The following CRB1 variants were observed in gnomAD, a reference collection of about 807,000 sequenced individuals.
CRB1 encodes the protein protein crumbs homolog 1.
A neutral mutation model predicts 120.0 loss-of-function variants in CRB1; 83 were observed. That is an observed-to-expected ratio of 0.69 (90% CI 0.58 to 0.83). CRB1 has a LOEUF of 0.83. CRB1 is among the 40% of genes least tolerant of loss of function. The pLI, the probability that CRB1 is intolerant of heterozygous loss-of-function variation, is 0.00. For synonymous variants in CRB1, 625 were observed against 612.5 expected (o/e 1.02, Z -0.30); for missense variants, 1,699 against 1,687.6 (o/e 1.01, Z -0.12).
intron 1 of CRB1, among the ~76,000 whole-genome samples, chr1:197,312,014 T>A (rs988706383): frequency 6.6e-6 from 1 of 152,178 alleles, no homozygotes; most frequent in Non-Finnish European, 1.5e-5. Context: ...GTTTCTGCTA[T>A]TCTTTTCTGT....
At chr1:197,278,396 CTTG>C (rs768924107) in intron 1 of CRB1, among the ~76,000 whole-genome samples, 16 of 151,984 alleles carry the variant, frequency 1.1e-4, no homozygotes, top group Non-Finnish European at 1.9e-4. Flanking sequence ...CAAAAATTCT[CTTG>C]TTTATAAAGC....
intron 1 of CRB1, among the ~76,000 whole-genome samples, chr1:197,275,599 T>G (rs1245743085): frequency 6.6e-6 from 1 of 152,046 alleles, no homozygotes; most frequent in African/African-American, 2.4e-5. Context: ...AATTAAGTGT[T>G]CAGAAATTTC....
chr1:197,317,777 T>C (rs890174365), intron 1 of CRB1, among the ~76,000 whole-genome samples: 7 of 152,132 alleles, frequency 4.6e-5, no homozygotes, highest in Non-Finnish European at 8.8e-5. Context: ...TGGTACTGGG[T>C]AAACTGCATA....
intron 1 of CRB1, among the ~76,000 whole-genome samples, chr1:197,305,607 C>T (rs549267551): frequency 7.9e-5 from 12 of 151,602 alleles, no homozygotes; most frequent in South Asian, 4.2e-4. Flanking sequence ...TTTTTATGAG[C>T]GTCCTTTTAC....
intron 11 of CRB1, among the ~76,000 whole-genome samples, chr1:197,472,810 C>T (rs1667038515): frequency 6.6e-6 from 1 of 151,982 alleles, no homozygotes; most frequent in Admixed American, 6.6e-5. Context: ...CAAGGATGGC[C>T]CTGAGTGGAT....
At chr1:197,254,963 A>G in the CRB1 span, among the ~76,000 whole-genome samples, 2 of 152,010 alleles carry the variant, frequency 1.3e-5, no homozygotes, top group Admixed American at 6.6e-5. Flanking sequence ...ATGTACAGTG[A>G]CTTCACTCAC....
chr1:197,330,166 C>T (rs144275840), intron 2 of CRB1, among the ~76,000 whole-genome samples: 1 of 152,066 alleles, frequency 6.6e-6, no homozygotes, highest in African/African-American at 2.4e-5. Context: ...TTCCCCTCTC[C>T]CTCCTCCTTT....
intron 6 of CRB1, chr1:197,422,742 A>G (rs917129525): frequency 6.6e-6 from 1 of 152,144 alleles, no homozygotes; most frequent in Non-Finnish European, 1.5e-5. Context: ...ATTATCATAC[A>G]TTGAAAAAGT....
chr1:197,264,628 T>C (rs1238881453), upstream of CRB1, among the ~76,000 whole-genome samples: 1 of 151,116 alleles, frequency 6.6e-6, no homozygotes, highest in African/African-American at 2.4e-5. Flanking sequence ...TTTTTTTTTT[T>C]TTTGAGACAA....
chr1:197,355,919 C>T (rs1019014656), intron 4 of CRB1, among the ~76,000 whole-genome samples: 7 of 152,150 alleles, frequency 4.6e-5, no homozygotes, highest in Non-Finnish European at 5.9e-5. Context: ...CCAGAGCGAG[C>T]GAGGGCTGCG....
chr1:197,344,109 A>G (rs1338358964), intron 2 of CRB1, among the ~76,000 whole-genome samples, 172 bp from the exon 3 acceptor site: 1 of 152,238 alleles, frequency 6.6e-6, no homozygotes, highest in Non-Finnish European at 1.5e-5. Context: ...GCCTTGTGCA[A>G]CTTCCCACAA....
intron 5 of CRB1, among the ~76,000 whole-genome samples, chr1:197,406,442 G>A (rs1020084395): frequency 9.2e-5 from 14 of 152,140 alleles, no homozygotes; most frequent in Non-Finnish European, 7.3e-5. Flanking sequence ...ACACTGCGGA[G>A]GGCCGCAGGG....
chr1:197,260,259 T>G, the CRB1 span, among the ~76,000 whole-genome samples: 1 of 151,788 alleles, frequency 6.6e-6, no homozygotes, highest in Non-Finnish European at 1.5e-5. Flanking sequence ...AAGGTTTAAT[T>G]AAACAAAATT....
chr1:197,282,659 G>T (rs924993744), intron 1 of CRB1, among the ~76,000 whole-genome samples: 2 of 151,704 alleles, frequency 1.3e-5, no homozygotes, highest in East Asian at 2.0e-4. Context: ...CTTAAGAAAC[G>T]CACACATATA....
the CRB1 span, among the ~76,000 whole-genome samples, chr1:197,220,929 A>G: frequency 6.6e-6 from 1 of 152,290 alleles, no homozygotes; most frequent in African/African-American, 2.4e-5. Context: ...ACTGTGAGTC[A>G]ATTAAACCTC....
intron 1 of CRB1, among the ~76,000 whole-genome samples, chr1:197,317,393 G>T (rs1657917608): frequency 6.6e-6 from 1 of 151,986 alleles, no homozygotes; most frequent in Non-Finnish European, 1.5e-5. Flanking sequence ...ACTCCAGCCT[G>T]GGTGACAGAG....
At chr1:197,390,450 C>A (rs1662441129) in intron 5 of CRB1, among the ~76,000 whole-genome samples, 1 of 152,014 alleles carries the variant, frequency 6.6e-6, no homozygotes, top group African/African-American at 2.4e-5. Context: ...GAAAGCTGAA[C>A]AATAGCTCCC....
the CRB1 span, among the ~76,000 whole-genome samples, chr1:197,259,096 C>T: frequency 6.6e-6 from 1 of 152,120 alleles, no homozygotes; most frequent in African/African-American, 2.4e-5. Context: ...CAAGTTAGTT[C>T]AACCATTGTG....
intron 3 of CRB1, 92 bp from the exon 4 acceptor site, chr1:197,347,248 T>C: frequency 1.8e-6 from 2 of 1,142,048 alleles, no homozygotes; most frequent in Non-Finnish European, 1.3e-6. Flanking sequence ...ATGCCATGGG[T>C]CTTGGGTTGA....
Sources: gnomAD v4.1 joint callset for allele counts (sites outside exome capture counted in the v4.1 genomes callset) on GRCh38, gnomAD v4.1.1 for gene constraint, MANE v1.5 for transcripts, NCBI Gene and HGNC (gene_info 2026-07-23, HGNC 2026-07-21) for gene names.